TMED3: variants seen among roughly 807,000 people sequenced by gnomAD.
TMED3 encodes transmembrane emp24 domain-containing protein 3.
Under a neutral mutation model 15.0 loss-of-function variants are expected in TMED3, and 9 were observed. The ratio of observed to expected loss-of-function variants is 0.60; its 90% CI spans 0.36 to 1.04. The LOEUF (loss-of-function observed/expected upper bound fraction) is 1.04. TMED3 is among the 50% of genes least tolerant of loss of function. The pLI is 0.01. For missense variants in TMED3, 267 were observed against 278.9 expected, an observed-to-expected ratio of 0.96 and a Z score of 0.30; for synonymous variants, 117 against 121.4, an observed-to-expected ratio of 0.96 and a Z score of 0.24.
At chr15:79,348,412 G>A (rs2058879080) in intron 2 of TMED3, among the ~76,000 whole-genome samples, 1 of 152,130 alleles carries the variant, frequency 6.6e-6, no homozygotes, top group Non-Finnish European at 1.5e-5. Flanking sequence ...GTTTGCAATA[G>A]TAAAAAACCG....
At chr15:79,385,581 C>T (rs1893615569) in intron 2 of TMED3, among the ~76,000 whole-genome samples, 1 of 152,174 alleles carries the variant, frequency 6.6e-6, no homozygotes, top group African/African-American at 2.4e-5. Flanking sequence ...CTGCCTGCTC[C>T]CTGGAGTGGA....
At chr15:79,403,690 T>C (rs1449697401) in intron 2 of TMED3, among the ~76,000 whole-genome samples, 1 of 152,230 alleles carries the variant, frequency 6.6e-6, no homozygotes, top group Non-Finnish European at 1.5e-5. Context: ...GTGGTAGTCA[T>C]AGCTGCAGTT....
chr15:79,382,877 A>G (rs1893559762), intron 2 of TMED3: 3 of 1,243,512 alleles, frequency 2.4e-6, no homozygotes, highest in Non-Finnish European at 3.4e-6. Context: ...TGGGTATCTC[A>G]TACTATTGTT....
chr15:79,349,219 C>T (rs1347025875), intron 2 of TMED3, among the ~76,000 whole-genome samples: 1 of 152,148 alleles, frequency 6.6e-6, no homozygotes. Context: ...GTCCTCACGA[C>T]AAAAATGATA....
intron 1 of TMED3, 84 bp from the exon 2 acceptor site, chr15:79,313,673 G>T (rs1206809060): frequency 4.7e-6 from 7 of 1,494,784 alleles, no homozygotes; most frequent in Non-Finnish European, 6.3e-6. Flanking sequence ...AGAAATGTTT[G>T]TAGAGTCTGA....
At chr15:79,312,558 G>A (rs906121945) in intron 1 of TMED3, among the ~76,000 whole-genome samples, 1 of 152,114 alleles carries the variant, frequency 6.6e-6, no homozygotes. Flanking sequence ...ACTTTTGTCC[G>A]GACAAAGAGG....
chr15:79,391,816 C>A (rs1440155509), intron 2 of TMED3, among the ~76,000 whole-genome samples: 1 of 152,134 alleles, frequency 6.6e-6, no homozygotes, highest in African/African-American at 2.4e-5. Context: ...TTGGACAAGG[C>A]TTTTTACCAT....
downstream of TMED3, among the ~76,000 whole-genome samples, chr15:79,326,552 C>T (rs779720597): frequency 2.2e-4 from 34 of 152,188 alleles, no homozygotes; most frequent in Admixed American, 5.2e-4. Context: ...TTAACCCTGC[C>T]CAACCTTTGT....
intron 2 of TMED3, among the ~76,000 whole-genome samples, chr15:79,341,816 A>G (rs1303569873): frequency 6.6e-6 from 1 of 152,162 alleles, no homozygotes; most frequent in Non-Finnish European, 1.5e-5. Flanking sequence ...GAGACATTTG[A>G]CAATGTCTGG....
chr15:79,375,581 A>G (rs1893410024), intron 2 of TMED3, among the ~76,000 whole-genome samples: 1 of 152,176 alleles, frequency 6.6e-6, no homozygotes, highest in African/African-American at 2.4e-5. Flanking sequence ...GGTGGAAGGC[A>G]AAGTGGGAGC....
intron 2 of TMED3, chr15:79,411,348 C>A (rs966160314): frequency 1.4e-6 from 1 of 698,778 alleles, no homozygotes; most frequent in South Asian, 1.5e-5. Context: ...CTGGGCAGTT[C>A]ATGGTTCCAC....
At chr15:79,382,729 C>T (rs779095353) in intron 2 of TMED3, among the ~76,000 whole-genome samples, 28 of 152,204 alleles carry the variant, frequency 1.8e-4, no homozygotes, top group Non-Finnish European at 2.9e-4. Context: ...CTCTGAACTT[C>T]TACCAGTATG....
rs566988227 is a variant in TMED3, at chr15:79,376,171, G to A, written c.418-35229G>A. Among the ~76,000 whole-genome samples the A allele has an allele frequency of 1.3e-4, 18 of 139,164 alleles. No individual in the cohort carries two copies. The South Asian group carries it at 1.8e-3, about 14-fold the overall frequency. The allele number at this position is 139,164 out of a possible 152,430, so 91.3% of individuals were successfully genotyped here. A position where few individuals can be genotyped will look rare whatever the true frequency, so the allele number is the denominator to read the frequency against. On this transcript the variant is annotated intron_variant, in intron 2 of 2. Transcript: ENST00000424155. ...GTCGCCCAGGCTGGAGTGCAGTGGC[G>A]CGATCTCGGCTCACTGCAAGCTCCG...
At chr15:79,401,266 G>A (rs1474477343) in intron 2 of TMED3, among the ~76,000 whole-genome samples, 1 of 151,908 alleles carries the variant, frequency 6.6e-6, no homozygotes, top group Non-Finnish European at 1.5e-5. Context: ...TTTCTTAATG[G>A]CATAATGCCC....
chr15:79,347,830 G>A (rs909524082), intron 2 of TMED3, among the ~76,000 whole-genome samples: 8 of 152,078 alleles, frequency 5.3e-5, no homozygotes, highest in African/African-American at 1.9e-4. Flanking sequence ...AGCCAGGGAG[G>A]TAAAAGATCT....
chr15:79,321,368 G>T (rs1401046267), intron 2 of TMED3, among the ~76,000 whole-genome samples: 2 of 152,238 alleles, frequency 1.3e-5, no homozygotes, highest in Non-Finnish European at 2.9e-5. Context: ...TTACACATGA[G>T]CGTATGTGTC....
chr15:79,313,873 G>C lies in TMED3; in HGVS notation c.285G>C (p.Lys95Asn). ...GCTTCACGTACCGGGCTGAAGTCAA[G>C]GGCGTTTATCAGTTTTGCTTCAGTA... ...YDSFTYRAEV[K>N]GVYQFCFSNE... Residue 95 changes from lysine (K) to asparagine (N), a missense_variant, in exon 2 of 3, where the codon AAG becomes AAC. Physicochemically the swap from Lys to Asn is moderately conservative, Grantham distance 94. Transcript: ENST00000299705. 6.2e-7 allele frequency: 1 copy of C among 1,614,212 alleles called. No individual in the cohort carries two copies. Among genetic ancestry groups the C allele is most frequent in the Non-Finnish European group, 8.5e-7 (1 of 1,180,052 alleles).
At chr15:79,359,967 G>A (rs1253649552) in intron 2 of TMED3, among the ~76,000 whole-genome samples, 1 of 152,154 alleles carries the variant, frequency 6.6e-6, no homozygotes, top group African/African-American at 2.4e-5. Context: ...GTCTAATGAT[G>A]AATATAGTGT....
At chr15:79,359,372 A>G (rs1893080302) in intron 2 of TMED3, among the ~76,000 whole-genome samples, 1 of 151,704 alleles carries the variant, frequency 6.6e-6, no homozygotes. Context: ...AGCTGGGATT[A>G]CAGGCACCCA....
Sources: allele counts gnomAD v4.1 joint callset (sites outside exome capture counted in the v4.1 genomes callset), GRCh38; gene constraint gnomAD v4.1.1; transcripts MANE v1.5; gene names NCBI Gene and HGNC (gene_info 2026-07-23, HGNC 2026-07-21).